The following POLR2E variants were observed in gnomAD, a reference collection of about 807,000 sequenced individuals.
POLR2E encodes DNA-directed RNA polymerases I, II, and III subunit RPABC1.
In POLR2E, 35 loss-of-function variants were observed where a neutral mutation model predicts 29.8. The ratio of observed to expected loss-of-function variants is 1.17; its 90% CI spans 0.90 to 1.55. POLR2E has a LOEUF of 1.55. Among genes scored for constraint, POLR2E ranks in the 40% most tolerant of loss-of-function variants. The pLI is 0.00. For synonymous variants in POLR2E, 174 were observed against 112.6 expected (o/e 1.55, Z -3.45); for missense variants, 287 against 288.6 (o/e 0.99, Z 0.04).
Position 1,090,993 on chromosome 19 carries a change from A to G in POLR2E, c.349-5T>C. On this transcript the variant is annotated splice_polypyrimidine_tract_variant and splice_region_variant and intron_variant, in intron 3 of 7. Transcript: ENST00000615234. ...GGGGGCCATGTCGACCAGGGACTGG[A>G]AGAGAGCGGCTCTAAGGCACGGCCC... The G allele has an allele frequency of 6.2e-7, 1 of 1,613,426 alleles. No homozygotes were observed. Among genetic ancestry groups the G allele is most frequent in the Non-Finnish European group, 8.5e-7 (1 of 1,179,864 alleles).
chr19:1,095,356 C>CAT lies in POLR2E; in HGVS notation c.-42_-41insAT, dbSNP rs1568519928. On this transcript the variant is annotated 5_prime_UTR_variant, in exon 1 of 8. It adds an upstream start codon to the 5' untranslated region. Transcript: ENST00000615234. ...CGCCGCCGCTCGCACCCCTTCTCCG[C>CAT]GCGAGAACCCGCGCGGACTGCGCCT... is the stretch of plus-strand genomic sequence containing the variant. 1 of 1,610,012 alleles carries CAT rather than the reference C, an allele frequency of 6.2e-7. No individual in the cohort carries two copies. Among genetic ancestry groups the CAT allele is most frequent in the Middle Eastern group, 1.7e-4 (1 of 6,044 alleles).
At chr19:1,090,281 G>GCCCA (rs1388522505) in intron 4 of POLR2E, 136 bp from the exon 5 acceptor site, 11 of 748,124 alleles carry the variant, frequency 1.5e-5, no homozygotes, top group Admixed American at 2.0e-5. Flanking sequence ...CACTCAGGGA[G>GCCCA]CCCACCCACC....
At position 1,095,353 on chromosome 19, in the gene POLR2E, CCGCGCGAGAACCCGCGCG is replaced by C; in HGVS notation, c.-56_-39del. On this transcript the variant is annotated 5_prime_UTR_variant, in exon 1 of 8. Transcript: ENST00000615234. ...CGCCGCCGCCGCTCGCACCCCTTCT[CCGCGCGAGAACCCGCGCG>C]GACTGCGCCTGCGCCGAATCCGAAT... 3 of 1,611,216 alleles carry C rather than the reference CCGCGCGAGAACCCGCGCG, an allele frequency of 1.9e-6. No individual in the cohort carries two copies. The highest frequency in any genetic ancestry group is 2.5e-6 in the Non-Finnish European group (3 of 1,178,784).
rs146230282 is a variant in POLR2E, at chr19:1,089,522, C to T, written c.597G>A (p.Thr199=). The T allele has an allele frequency of 9.1e-4, 1,470 of 1,613,852 alleles. No homozygotes were observed. Among genetic ancestry groups the T allele is most frequent in the Middle Eastern group, 6.1e-3 (37 of 6,060 alleles). Reference sequence around the variant, plus strand: ...GCCGGTAGGTGATGTACCTGCCAGCCGTCTCACTGGGCCGGATGATCTTCA... The same window carrying T: ...GCCGGTAGGTGATGTACCTGCCAGCTGTCTCACTGGGCCGGATGATCTTCA... The part of the protein sequence containing the change: ...QVVKIIRPSE[T]AGRYITYRLV... The change falls in exon 7 of 8, where the codon ACG becomes ACA. Residue 199 remains threonine, a synonymous_variant. Coordinates refer to ENST00000615234, the MANE Select transcript of POLR2E (RefSeq NM_002695.5).
chr19:1,091,662 G>A (rs1312577270), intron 3 of POLR2E, 130 bp downstream of exon 3: 9 of 659,336 alleles, frequency 1.4e-5, no homozygotes, highest in Admixed American at 2.2e-5. Context: ...CGGACATCCC[G>A]GCCACATCCT....
rs577039150 is a variant in POLR2E at position 1,093,888 on chromosome 19, G to A, written c.232+16C>T. 50 of 1,564,992 alleles carry A rather than the reference G, an allele frequency of 3.2e-5. No homozygotes were observed. Among genetic ancestry groups the A allele is most frequent in the African/African-American group, 5.4e-5 (4 of 73,568 alleles). On this transcript the variant is annotated intron_variant, in intron 2 of 7. Transcript: ENST00000615234. ...CTGGTGGCTTCACCGGAACTCCCCC[G>A]GGACCCGCTGCTCACCTGGAAAGAA...
chr19:1,089,570 G>A lies in POLR2E; in HGVS notation c.568-19C>T, dbSNP rs990902751. ...TCACCACCTGCAGAGACAGAGAGCA[G>A]GGGCTGCGAATGCTTGAGGGGTCTC... On this transcript the variant is annotated intron_variant, in intron 6 of 7. Coordinates refer to ENST00000615234, the MANE Select transcript of POLR2E (RefSeq NM_002695.5). The A allele has an allele frequency of 6.8e-6, 11 of 1,610,772 alleles. No individual in the cohort carries two copies. The highest frequency in any genetic ancestry group is 5.0e-5 in the Admixed American group (3 of 59,996).
At chr19:1,091,745 AGGCTGGGGAGGGGGAGAGGCTGGCG>A in intron 3 of POLR2E, 22 bp downstream of exon 3, 1 of 1,096,678 alleles carries the variant, frequency 9.1e-7, no homozygotes, top group Non-Finnish European at 1.3e-6. Flanking sequence ...TTGCGGGAGG[AGGCTGGGGAGGGGGAGAGGCTGGCG>A]GGGTGGGGCA....
intron 2 of POLR2E, 64 bp downstream of exon 2, chr19:1,093,840 C>T (rs1599797248): frequency 2.0e-6 from 3 of 1,487,108 alleles, no homozygotes; most frequent in South Asian, 1.4e-5. Context: ...TGGGTGCTAG[C>T]GACCGGCTCC....
At chr19:1,092,190 C>G (rs1045733118) in intron 2 of POLR2E, 6 of 394,214 alleles carry the variant, frequency 1.5e-5, no homozygotes, top group African/African-American at 4.1e-5. Flanking sequence ...CTGAGAGGCT[C>G]CCACCCTGGG....
Position 1,086,721 on chromosome 19 carries a change from G to A in POLR2E, c.*2014C>T, listed in dbSNP as rs45533236. 0.24 allele frequency: 36,885 copies of A among 152,264 alleles called. 5,252 individuals carry two copies. The highest frequency in any genetic ancestry group is 0.4 in the African/African-American group (16,502 of 41,490). 9.4% of individuals were successfully genotyped at this position (152,264 alleles called of 1,614,324 possible). The stretch of plus-strand genomic sequence containing the variant: ...AGGGAGGGGACAGAGAGAGCCCCGT[G>A]GCGTGGCCCTGGGCCTCCCCCTAGG... On this transcript the variant is annotated 3_prime_UTR_variant, in exon 8 of 8. Transcript: ENST00000615234.
chr19:1,091,262 G>C (rs1270535370), intron 3 of POLR2E, among the ~76,000 whole-genome samples: 1 of 152,202 alleles, frequency 6.6e-6, no homozygotes, highest in South Asian at 2.1e-4. Context: ...CTCAGAGCTG[G>C]CAGGGCGACC....
At chr19:1,093,598 G>GTA in intron 2 of POLR2E, 4 of 428,950 alleles carry the variant, frequency 9.3e-6, no homozygotes, top group South Asian at 5.2e-5. Context: ...CCAGGATGGG[G>GTA]GAGCCAAGGG....
chr19:1,090,029 G>A (rs1384547832), intron 5 of POLR2E, 58 bp downstream of exon 5: 27 of 961,844 alleles, frequency 2.8e-5, no homozygotes, highest in African/African-American at 3.7e-5. Context: ...TGTGGGGGGG[G>A]AACGCGGAAG....
intron 7 of POLR2E, among the ~76,000 whole-genome samples, chr19:1,089,090 G>A (rs1453986100): frequency 6.6e-6 from 1 of 152,218 alleles, no homozygotes; most frequent in African/African-American, 2.4e-5. Flanking sequence ...GCCCACTCAG[G>A]GAAGGGTTGG....
chr19:1,090,072 G>C lies in POLR2E; in HGVS notation c.488+15C>G. 1 of 1,611,116 alleles carries C rather than the reference G, an allele frequency of 6.2e-7. No homozygotes were observed. The highest frequency in any genetic ancestry group is 8.5e-7 in the Non-Finnish European group (1 of 1,178,800). ...GGACAGGGAGGGGCGGGGCCGGTGG[G>C]GCTGGAAAGGATACTATCGGGCCAG... On this transcript the variant is annotated intron_variant, in intron 5 of 7. Transcript: ENST00000615234.
chr19:1,094,229 C>A (rs2043897053), intron 1 of POLR2E, 151 bp from the exon 2 acceptor site: 3 of 650,236 alleles, frequency 4.6e-6, no homozygotes, highest in Non-Finnish European at 7.7e-6. Flanking sequence ...GACAGCCACC[C>A]CGGCCCCCAC....
At chr19:1,095,172 A>C in intron 1 of POLR2E, 87 bp downstream of exon 1, 1 of 1,363,460 alleles carries the variant, frequency 7.3e-7, no homozygotes, top group Non-Finnish European at 1.0e-6. Context: ...CTCCGACGAG[A>C]GTACGAGGAG....
chr19:1,093,829 G>A (rs1223345727), intron 2 of POLR2E, 75 bp downstream of exon 2: 3 of 1,474,942 alleles, frequency 2.0e-6, no homozygotes, highest in African/African-American at 1.4e-5. Context: ...GCGAGTGGGG[G>A]TGGGTGCTAG....
Sources: allele counts gnomAD v4.1 joint callset (sites outside exome capture counted in the v4.1 genomes callset), GRCh38; gene constraint gnomAD v4.1.1; transcripts MANE v1.5; gene names NCBI Gene and HGNC (gene_info 2026-07-23, HGNC 2026-07-21).